Variants in PCDHGB6 observed in about 807,000 individuals in gnomAD.
PCDHGB6 encodes protocadherin gamma-B6.
PCDHGB6 carries 51 observed loss-of-function variants against 59.1 expected under a neutral mutation model. That is an observed-to-expected ratio of 0.86 (90% CI 0.69 to 1.09). The LOEUF (loss-of-function observed/expected upper bound fraction) is 1.09, where lower values mean the gene tolerates loss of function less well. Ranked by LOEUF, PCDHGB6 falls within the 50% of genes least tolerant of loss-of-function variation. The probability of loss-of-function intolerance (pLI) is 0.00; values close to 1 mark genes in which losing one functional copy is unlikely to be tolerated. For synonymous variants in PCDHGB6, 466 were observed against 495.1 expected (o/e 0.94, Z 0.78); for missense variants, 1,148 against 1,205.1 (o/e 0.95, Z 0.70).
chr5:141,428,177 G>A lies in PCDHGB6; in HGVS notation c.2418+17557G>A, dbSNP rs754811645. The A allele has an allele frequency of 1.4e-5, 21 of 1,510,058 alleles. 1 individual carries two copies. The South Asian group carries it at 1.7e-4, about 12-fold the overall frequency. The allele number at this position is 1,510,058 out of a possible 1,614,324, so 93.5% of individuals were successfully genotyped here. ...CCTGCTGGTTGCTGTGCGTGACGGA[G>A]GACAGCCGCCGCTCTCTGCGCCGCT... On this transcript the variant is annotated intron_variant, in intron 1 of 3. Coordinates refer to ENST00000520790, the MANE Select transcript of PCDHGB6 (RefSeq NM_018926.3).
In PCDHGB6 at chr5:141,506,418, G is replaced by A. The variant is rs2099853241; in HGVS notation, c.2566+937G>A. Among the ~76,000 whole-genome samples, 3 of 141,160 alleles carry A rather than the reference G, an allele frequency of 2.1e-5. No homozygotes were observed. The South Asian group carries it at 6.6e-4, about 31-fold the overall frequency. 92.6% of individuals were successfully genotyped at this position (141,160 alleles called of 152,430 possible). The stretch of plus-strand genomic sequence containing the variant: ...CAGAAAATCGCACCACTGCACTCCA[G>A]CCTGGGCAACAGTCTCGCTCTGTCT... On this transcript the variant is annotated intron_variant, in intron 3 of 3. Coordinates refer to ENST00000520790, the MANE Select transcript of PCDHGB6 (RefSeq NM_018926.3).
chr5:141,413,134 G>A, intron 1 of PCDHGB6: 1 of 1,543,438 alleles, frequency 6.5e-7, no homozygotes, highest in South Asian at 1.3e-5. Flanking sequence ...AACACACAAC[G>A]TGTCCAGTGA....
At chr5:141,459,237 C>T (rs1004453705) in intron 1 of PCDHGB6, among the ~76,000 whole-genome samples, 1 of 152,214 alleles carries the variant, frequency 6.6e-6, no homozygotes, top group Admixed American at 6.5e-5. Flanking sequence ...AACTGGTCTG[C>T]TTCCTGTCAC....
intron 1 of PCDHGB6, chr5:141,428,805 C>G (rs1468764398): frequency 6.6e-6 from 1 of 152,108 alleles, no homozygotes; most frequent in African/African-American, 2.4e-5. Flanking sequence ...GGGCCAGTAA[C>G]TTCATTATTA....
intron 1 of PCDHGB6, chr5:141,413,180 C>T: frequency 6.2e-7 from 1 of 1,602,612 alleles, no homozygotes; most frequent in Non-Finnish European, 8.5e-7. Flanking sequence ...ACTACAATGG[C>T]CGCTCAAAGG....
chr5:141,480,225 G>A (rs1217912404), intron 1 of PCDHGB6, among the ~76,000 whole-genome samples: 1 of 147,152 alleles, frequency 6.8e-6, no homozygotes, highest in East Asian at 2.0e-4. Flanking sequence ...GCGACATAGT[G>A]AGATCCTGTC....
chr5:141,505,259 C>A, intron 2 of PCDHGB6, 134 bp from the exon 3 acceptor site: 1 of 1,500,262 alleles, frequency 6.7e-7, no homozygotes, highest in Non-Finnish European at 8.9e-7. Context: ...GTGCCTCCTA[C>A]CTTGCTGAGA....
chr5:141,459,486 G>A (rs764885682), intron 1 of PCDHGB6, among the ~76,000 whole-genome samples: 8 of 152,154 alleles, frequency 5.3e-5, no homozygotes, highest in Admixed American at 3.9e-4. Context: ...GTGCTATTCT[G>A]AATTAAAGTG....
At chr5:141,413,306 A>G in intron 1 of PCDHGB6, 1 of 1,613,958 alleles carries the variant, frequency 6.2e-7, no homozygotes, top group Non-Finnish European at 8.5e-7. Context: ...GAGGAATTAG[A>G]GAAAGGCTCT....
intron 1 of PCDHGB6, among the ~76,000 whole-genome samples, chr5:141,456,857 G>A (rs957526443): frequency 6.6e-5 from 10 of 152,234 alleles, no homozygotes; most frequent in African/African-American, 2.4e-4. Context: ...CAGCTAATTG[G>A]GAGGCTGAGG....
At chr5:141,498,012 A>T (rs184213306) in intron 2 of PCDHGB6, among the ~76,000 whole-genome samples, 6 of 152,348 alleles carry the variant, frequency 3.9e-5, no homozygotes, top group Non-Finnish European at 8.8e-5. Context: ...CAGTGCACTG[A>T]AGGAGACAAA....
In PCDHGB6 at chr5:141,511,125, A is replaced by T. The variant is rs755685600; in HGVS notation, c.2745A>T (p.Ala915=). Residue 915 remains alanine, a synonymous_variant, in exon 4 of 4, where the codon GCA becomes GCT. Transcript: ENST00000520790. ...GCAAGCGGGATGGCAAGGCCCCAGCAGGTGGCAATGGCAACAAGAAGAAGT... is the reference window on the plus strand; with the variant it reads ...GCAAGCGGGATGGCAAGGCCCCAGCTGGTGGCAATGGCAACAAGAAGAAGT... ...AAGKRDGKAP[A]GGNGNKKKSG... 2 of 1,614,216 alleles carry T rather than the reference A, an allele frequency of 1.2e-6. No individual in the cohort carries two copies. The highest frequency in any genetic ancestry group is 2.2e-5 in the South Asian group (2 of 91,092).
chr5:141,478,293 T>C (rs2099444312), intron 1 of PCDHGB6: 2 of 1,614,026 alleles, frequency 1.2e-6, no homozygotes. Context: ...TCTAGAGACC[T>C]ATACCGAGCC....
At chr5:141,510,286 A>G (rs1011677966) in intron 3 of PCDHGB6, among the ~76,000 whole-genome samples, 1 of 151,770 alleles carries the variant, frequency 6.6e-6, no homozygotes, top group African/African-American at 2.4e-5. Flanking sequence ...AAAAAAAAAA[A>G]AAAAATGCTG....
chr5:141,413,398 A>G lies in PCDHGB6; in HGVS notation c.2418+2778A>G, dbSNP rs780416951. The G allele has an allele frequency of 1.9e-5, 30 of 1,613,944 alleles. No homozygotes were observed. Among genetic ancestry groups the G allele is most frequent in the African/African-American group, 4.0e-5 (3 of 74,960 alleles). Reference sequence around the variant, plus strand: ...CGGAGTCCGCATAGTCTCCAGAGGTAGGACGCAGCTTTTCTCTCTGAACCC... The same window carrying G: ...CGGAGTCCGCATAGTCTCCAGAGGTGGGACGCAGCTTTTCTCTCTGAACCC... On this transcript the variant is annotated intron_variant, in intron 1 of 3. Transcript: ENST00000520790.
At position 141,408,060 on chromosome 5, in the gene PCDHGB6, T is replaced by G. The variant is rs2095034623; in HGVS notation, c.-143T>G. 7.5e-7 allele frequency: 1 copy of G among 1,324,738 alleles called. No individual in the cohort carries two copies. Among genetic ancestry groups the G allele is most frequent in the Admixed American group, 2.9e-5 (1 of 34,154 alleles). The allele number at this position is 1,324,738 out of a possible 1,614,324, so 82.1% of individuals were successfully genotyped here. A position where few individuals can be genotyped will look rare whatever the true frequency, so the allele number is the denominator to read the frequency against. ...CAGCTCCCACACAGAGCCTCCCGGC[T>G]GCGCAGACCTTTCCCAGCACAGCGG... On this transcript the variant is annotated 5_prime_UTR_variant, in exon 1 of 4. Transcript: ENST00000520790.
In PCDHGB6 at chr5:141,493,364, TTGGAAC is replaced by T. The variant is rs1405602213; in HGVS notation, c.2419-1441_2419-1436del. Among the ~76,000 whole-genome samples, 1 of 152,184 alleles carries T rather than the reference TTGGAAC, an allele frequency of 6.6e-6. No homozygotes were observed. Among genetic ancestry groups the T allele is most frequent in the South Asian group, 2.1e-4 (1 of 4,824 alleles). On this transcript the variant is annotated intron_variant, in intron 1 of 3. Coordinates refer to ENST00000520790, the MANE Select transcript of PCDHGB6 (RefSeq NM_018926.3). The surrounding 1 kb of genome is among the most constrained non-coding windows in gnomAD (Gnocchi z 4.3). Reference sequence around the variant, plus strand: ...ATGTGTGCTTTTAATTTCTTGGCACTTGGAACTTTAAAAGCTTGAGGACAGGAGAGG... The same window carrying T: ...ATGTGTGCTTTTAATTTCTTGGCACTTTTAAAAGCTTGAGGACAGGAGAGG...
chr5:141,425,337 G>A (rs1327677274), intron 1 of PCDHGB6, among the ~76,000 whole-genome samples: 1 of 152,186 alleles, frequency 6.6e-6, no homozygotes. Flanking sequence ...AAAAAGGAAG[G>A]GTTGGCTTTG....
rs1446853595 is a variant in PCDHGB6, at chr5:141,491,363, C to T, written c.2419-3444C>T. ...ACCGTCAGTCTCTTATCCCTAGTCA[C>T]CTTCACCTTTCTGTCAGCGAAGTGC... On this transcript the variant is annotated intron_variant, in intron 1 of 3. Coordinates refer to ENST00000520790, the MANE Select transcript of PCDHGB6 (RefSeq NM_018926.3). This position sits in a 1 kb window ranked among gnomAD's most constrained non-coding sequence, Gnocchi z 6.9. The T allele has an allele frequency of 6.2e-7, 1 of 1,614,182 alleles. No individual in the cohort carries two copies. Among genetic ancestry groups the T allele is most frequent in the South Asian group, 1.1e-5 (1 of 91,082 alleles).
Sources: gnomAD v4.1 joint callset for allele counts (sites outside exome capture counted in the v4.1 genomes callset) on GRCh38, gnomAD v4.1.1 for gene constraint, Gnocchi (gnomAD v3.1) non-coding constraint, MANE v1.5 for transcripts, NCBI Gene and HGNC (gene_info 2026-07-23, HGNC 2026-07-21) for gene names.